The following GPC3 variants were observed in gnomAD, a reference collection of about 807,000 sequenced individuals.
GPC3 encodes the protein glypican 3.
GPC3 carries 3 observed loss-of-function variants against 34.4 expected under a neutral mutation model. The observed-to-expected ratio is 0.09, with a 90% confidence interval of 0.04 to 0.23. GPC3 has a LOEUF of 0.23. GPC3 is among the 10% of genes least tolerant of loss of function. The pLI is 1.00. For missense variants in GPC3, 351 were observed against 445.6 expected, an observed-to-expected ratio of 0.79 and a Z score of 1.91; for synonymous variants, 177 against 174.0, an observed-to-expected ratio of 1.02 and a Z score of -0.13.
chrX:133,678,869 T>A (rs1178008654), intron 5 of GPC3, among the ~76,000 whole-genome samples: 1 of 112,291 alleles, frequency 8.9e-6, no homozygotes, highest in Non-Finnish European at 1.9e-5. Flanking sequence ...CACACAGCAA[T>A]AGCCTCATTA....
chrX:133,704,166 A>G lies in GPC3; in HGVS notation c.1033-4138T>C, dbSNP rs1470369468. On this transcript the variant is annotated intron_variant, in intron 3 of 7. Coordinates refer to ENST00000370818, the MANE Select transcript of GPC3 (RefSeq NM_004484.4). ...CCCACTTCCACCTCTCACCCACAGC[A>G]GGACTTCACTGTGACCTGGTCCCAT... 6 of 846,232 alleles carry G rather than the reference A, an allele frequency of 7.1e-6. No individual in the cohort carries two copies. In the South Asian group the frequency reaches 2.1e-4, roughly 29 times the overall value. 69.7% of individuals were successfully genotyped at this position (846,232 alleles called of 1,213,427 possible).
chrX:133,874,981 G>A (rs1333044846), intron 2 of GPC3, among the ~76,000 whole-genome samples: 3 of 112,335 alleles, frequency 2.7e-5, no homozygotes, highest in Non-Finnish European at 5.6e-5. Context: ...ACAAGATAAT[G>A]TGTCAAGGAC....
At chrX:133,631,078 A>G (rs2070360587) in intron 6 of GPC3, among the ~76,000 whole-genome samples, 1 of 111,997 alleles carries the variant, frequency 8.9e-6, no homozygotes, top group South Asian at 3.7e-4. Flanking sequence ...ACTTGAGCAC[A>G]TGGAACACAT....
At chrX:133,861,877 G>A (rs1464728466) in intron 2 of GPC3, among the ~76,000 whole-genome samples, 2 of 111,666 alleles carry the variant, frequency 1.8e-5, no homozygotes, top group Admixed American at 9.5e-5. Context: ...TTCCTGTACA[G>A]CCTGTAGAAA....
At chrX:133,671,816 C>G (rs2070829742) in intron 5 of GPC3, among the ~76,000 whole-genome samples, 1 of 111,447 alleles carries the variant, frequency 9.0e-6, no homozygotes, top group Non-Finnish European at 1.9e-5. Flanking sequence ...TTCCCCCATC[C>G]CACGCCAGGC....
At chrX:133,595,621 C>T (rs1240283467) in intron 7 of GPC3, among the ~76,000 whole-genome samples, 1 of 110,915 alleles carries the variant, frequency 9.0e-6, no homozygotes, top group Non-Finnish European at 1.9e-5. Flanking sequence ...ACCACTGCCT[C>T]CTGGACTGAA....
intron 2 of GPC3, among the ~76,000 whole-genome samples, chrX:133,952,643 A>C (rs1279857998): frequency 8.9e-6 from 1 of 112,567 alleles, no homozygotes; most frequent in African/African-American, 3.2e-5. Flanking sequence ...TCTGCCTCTT[A>C]AATGGAAATG....
chrX:133,769,235 G>A, intron 2 of GPC3, among the ~76,000 whole-genome samples: 1 of 111,551 alleles, frequency 9.0e-6, no homozygotes, highest in Non-Finnish European at 1.9e-5. Context: ...CCTGGGTGAG[G>A]GCAAAACAGA....
chrX:133,648,178 G>A (rs760439645), intron 6 of GPC3, among the ~76,000 whole-genome samples: 3 of 111,601 alleles, frequency 2.7e-5, no homozygotes, highest in African/African-American at 9.8e-5. Context: ...TGTCCAACCC[G>A]CAGCCCACGG....
In GPC3 at chrX:133,933,903, T is replaced by C. The variant is rs1186069475; in HGVS notation, c.337+19147A>G. Among the ~76,000 whole-genome samples, 9 of 103,958 alleles carry C rather than the reference T, an allele frequency of 8.7e-5. No individual in the cohort carries two copies. The Admixed American group carries it at 9.2e-4, about 11-fold the overall frequency. The allele number at this position is 103,958 out of a possible 115,157, so 90.3% of individuals were successfully genotyped here. A position where few individuals can be genotyped will look rare whatever the true frequency, so the allele number is the denominator to read the frequency against. ...TTTTTGAGATGGAATCTCACTCTGT[T>C]GCCCCGGCTGGAGTGCAGTGACACG... is the stretch of plus-strand genomic sequence containing the variant. On this transcript the variant is annotated intron_variant, in intron 2 of 7. Transcript: ENST00000370818.
At chrX:133,656,119 A>G (rs933779782) in intron 6 of GPC3, among the ~76,000 whole-genome samples, 2 of 111,941 alleles carry the variant, frequency 1.8e-5, no homozygotes, top group African/African-American at 3.2e-5. Context: ...TCATGCCACA[A>G]AGTTCCTCTG....
chrX:133,710,509 T>G (rs2124446062), intron 3 of GPC3, among the ~76,000 whole-genome samples: 1 of 112,523 alleles, frequency 8.9e-6, no homozygotes, highest in South Asian at 3.7e-4. Context: ...TGCAGCCTGC[T>G]TTGTGTGTCA....
At chrX:133,650,963 C>T (rs994232636) in intron 6 of GPC3, among the ~76,000 whole-genome samples, 2 of 111,113 alleles carry the variant, frequency 1.8e-5, no homozygotes, top group African/African-American at 6.5e-5. Flanking sequence ...AAAAATAGAT[C>T]TATTTGGCTC....
chrX:133,712,785 T>C (rs1232249075), intron 3 of GPC3, among the ~76,000 whole-genome samples: 2 of 110,623 alleles, frequency 1.8e-5, no homozygotes, highest in Non-Finnish European at 3.8e-5. Context: ...CTTGGGAGGC[T>C]GAGGCAGGAG....
At chrX:133,746,712 G>A (rs1422120414) in intron 3 of GPC3, among the ~76,000 whole-genome samples, 2 of 112,419 alleles carry the variant, frequency 1.8e-5, no homozygotes, top group Non-Finnish European at 3.8e-5. Context: ...AGGCTGACCT[G>A]CAGACACTAA....
chrX:133,592,381 T>C (rs7050231), intron 7 of GPC3, among the ~76,000 whole-genome samples: 1 of 101,497 alleles, frequency 9.9e-6, no homozygotes, highest in Admixed American at 1.1e-4. Context: ...ACACCTCCAG[T>C]ATAAATTTTC....
intron 3 of GPC3, among the ~76,000 whole-genome samples, chrX:133,739,563 T>C (rs925906629): frequency 9.0e-6 from 1 of 111,345 alleles, no homozygotes; most frequent in African/African-American, 3.3e-5. Flanking sequence ...ATTCACAGTC[T>C]GGCCAGATGT....
In GPC3 at chrX:133,759,709, G is replaced by A. The variant is rs746927490; in HGVS notation, c.338-5533C>T. Among the ~76,000 whole-genome samples the A allele has an allele frequency of 2.7e-5, 3 of 111,943 alleles. No homozygotes were observed. The East Asian group carries it at 8.4e-4, about 31-fold the overall frequency. ...TGACTGACCTTAAGTTTAGCAGTAA[G>A]TTTTTAGATATAACAGTAAAAGCAC... On this transcript the variant is annotated intron_variant, in intron 2 of 7. Transcript: ENST00000370818.
At position 133,631,164 on chromosome X, in the gene GPC3, T is replaced by C. The variant is rs980946656; in HGVS notation, c.1413+30566A>G. 5.4e-5 allele frequency among the ~76,000 whole-genome samples: 6 copies of C among 111,933 alleles called. No individual in the cohort carries two copies. The East Asian group carries it at 1.7e-3, about 31-fold the overall frequency. On this transcript the variant is annotated intron_variant, in intron 6 of 7. Transcript: ENST00000370818. ...CATTTTTCAGTGTACAGTTCAGTAG[T>C]GTTAAATATATTTGCATTACTGTAC...
Sources: allele counts gnomAD v4.1 joint callset (sites outside exome capture counted in the v4.1 genomes callset), GRCh38; gene constraint gnomAD v4.1.1; transcripts MANE v1.5; gene names NCBI Gene and HGNC (gene_info 2026-07-23, HGNC 2026-07-21).